The following NDEL1 variants were observed in gnomAD, a reference collection of about 807,000 sequenced individuals.
NDEL1 encodes nuclear distribution protein nudE-like 1.
A neutral mutation model predicts 45.7 loss-of-function variants in NDEL1; 9 were observed. The ratio of observed to expected loss-of-function variants is 0.20; its 90% CI spans 0.12 to 0.34. The LOEUF is 0.34. NDEL1 is among the 10% of genes least tolerant of loss of function. The probability of loss-of-function intolerance (pLI) is 1.00; values close to 1 mark genes in which losing one functional copy is unlikely to be tolerated. For missense variants in NDEL1, 306 were observed against 406.2 expected (o/e 0.75, Z 2.12); for synonymous variants, 133 against 158.6 (o/e 0.84, Z 1.21).
intron 6 of NDEL1, among the ~76,000 whole-genome samples, chr17:8,451,211 A>G (rs1319816278): frequency 6.6e-6 from 1 of 152,224 alleles, no homozygotes; most frequent in Non-Finnish European, 1.5e-5. Context: ...GATGATAGCA[A>G]TAGATTTTGT....
rs181796425 is a variant in NDEL1, at chr17:8,449,023, C to G, written c.526+337C>G. ...TTGGAGACGAAGTCTCGTACTTTCA[C>G]CCAGGCTGGAGTGCAATGGCACAAT... On this transcript the variant is annotated intron_variant, in intron 5 of 8. Transcript: ENST00000334527. Among the ~76,000 whole-genome samples, 11 of 152,362 alleles carry G rather than the reference C, an allele frequency of 7.2e-5. No individual in the cohort carries two copies. In the East Asian group the frequency reaches 2.1e-3, roughly 29 times the overall value.
At chr17:8,438,540 G>A (rs1414129850) in intron 1 of NDEL1, among the ~76,000 whole-genome samples, 2 of 151,946 alleles carry the variant, frequency 1.3e-5, no homozygotes, top group African/African-American at 4.8e-5. Context: ...TTTGGAGGCA[G>A]GGTCTCATTT....
intron 5 of NDEL1, among the ~76,000 whole-genome samples, chr17:8,449,610 A>G (rs1214121898): frequency 6.6e-6 from 1 of 152,234 alleles, no homozygotes; most frequent in East Asian, 1.9e-4. Context: ...GAGTTCAGCT[A>G]CTTTAGATAC....
chr17:8,417,684 GCTAA>G (rs143895331), intron 1 of NDEL1, among the ~76,000 whole-genome samples: 1,765 of 152,266 alleles, frequency 0.012, 41 homozygotes, highest in African/African-American at 0.041. Flanking sequence ...AAGCCAGGCT[GCTAA>G]CATTCTAGGG....
chr17:8,423,092 TA>T (rs1315171829), intron 1 of NDEL1, among the ~76,000 whole-genome samples: 1 of 152,230 alleles, frequency 6.6e-6, no homozygotes, highest in Non-Finnish European at 1.5e-5. Flanking sequence ...GGATGAAAAC[TA>T]GTGTGAAATT....
intron 1 of NDEL1, among the ~76,000 whole-genome samples, chr17:8,441,824 C>A (rs1909754766): frequency 6.6e-6 from 1 of 152,032 alleles, no homozygotes; most frequent in Non-Finnish European, 1.5e-5. Context: ...TTCCTGCATC[C>A]CATGCTGTCC....
At chr17:8,454,152 G>T (rs1001216050) in intron 6 of NDEL1, among the ~76,000 whole-genome samples, 1 of 152,048 alleles carries the variant, frequency 6.6e-6, no homozygotes, top group African/African-American at 2.4e-5. Flanking sequence ...AAAGCCAAAG[G>T]TTCTCCTACC....
At chr17:8,441,892 C>T (rs1909758461) in intron 1 of NDEL1, among the ~76,000 whole-genome samples, 1 of 151,968 alleles carries the variant, frequency 6.6e-6, no homozygotes, top group African/African-American at 2.4e-5. Context: ...AGGAGGTAGC[C>T]CTCCTGACCT....
chr17:8,471,694 G>T (rs1468151563), downstream of NDEL1, among the ~76,000 whole-genome samples: 2 of 152,220 alleles, frequency 1.3e-5, no homozygotes, highest in Non-Finnish European at 2.9e-5. Context: ...CCTTTGAAAA[G>T]CAGTAGCATG....
downstream of NDEL1, among the ~76,000 whole-genome samples, chr17:8,469,856 G>A (rs1373943653): frequency 4.0e-5 from 5 of 124,336 alleles, no homozygotes; most frequent in South Asian, 1.4e-3. Context: ...CGCCATGCCT[G>A]GCTAATTTTT....
At chr17:8,460,840 A>AT (rs1297535938) in intron 8 of NDEL1, among the ~76,000 whole-genome samples, 2 of 152,122 alleles carry the variant, frequency 1.3e-5, no homozygotes, top group Non-Finnish European at 2.9e-5. Flanking sequence ...CAGTTACGGG[A>AT]TTATACTTTA....
rs1215840607 is a variant in NDEL1 at position 8,467,991 on chromosome 17, A to G, written c.*968A>G. ...AAACATTATTGCCTGAGATATTTGTATATAACTTGGGCTTTGTAGCTTTTA... is the reference window on the plus strand; with the variant it reads ...AAACATTATTGCCTGAGATATTTGTGTATAACTTGGGCTTTGTAGCTTTTA... On this transcript the variant is annotated 3_prime_UTR_variant, in exon 9 of 9. Coordinates refer to ENST00000334527, the MANE Select transcript of NDEL1 (RefSeq NM_030808.5). The surrounding 1 kb of genome is among the most constrained non-coding windows in gnomAD (Gnocchi z 6.3). The G allele has an allele frequency of 1.3e-5, 2 of 152,600 alleles. No individual in the cohort carries two copies. The highest frequency in any genetic ancestry group is 4.8e-5 in the African/African-American group (2 of 41,420). 9.5% of individuals were successfully genotyped at this position (152,600 alleles called of 1,614,324 possible).
upstream of NDEL1, among the ~76,000 whole-genome samples, chr17:8,435,160 T>C (rs911360046): frequency 3.9e-5 from 6 of 152,122 alleles, no homozygotes; most frequent in African/African-American, 1.4e-4. Context: ...TTGGGGGACC[T>C]GGAGGGGAGA....
chr17:8,419,345 TATAA>T (rs1261339108), intron 1 of NDEL1, among the ~76,000 whole-genome samples: 1 of 152,232 alleles, frequency 6.6e-6, no homozygotes, highest in East Asian at 1.9e-4. Flanking sequence ...AACCACCACT[TATAA>T]ATATATCCAG....
Position 8,467,203 on chromosome 17 carries a change from A to T in NDEL1, c.*180A>T, listed in dbSNP as rs1248072863. ...CTGCCCAGCCCCGGAACTCTGCGCG[A>T]TATCAATACTGGCTATTTTCTCTTC... On this transcript the variant is annotated 3_prime_UTR_variant, in exon 9 of 9. Transcript: ENST00000334527. This position sits in a 1 kb window ranked among gnomAD's most constrained non-coding sequence, Gnocchi z 6.3. The T allele has an allele frequency of 1.6e-6, 1 of 618,920 alleles. No homozygotes were observed. Among genetic ancestry groups the T allele is most frequent in the Admixed American group, 3.0e-5 (1 of 33,468 alleles). 38.3% of individuals were successfully genotyped at this position (618,920 alleles called of 1,614,324 possible). A position where few individuals can be genotyped will look rare whatever the true frequency, so the allele number is the denominator to read the frequency against.
At chr17:8,423,929 G>A (rs898389275) in intron 1 of NDEL1, among the ~76,000 whole-genome samples, 2 of 152,114 alleles carry the variant, frequency 1.3e-5, no homozygotes, top group Non-Finnish European at 2.9e-5. Context: ...TAAATCCATA[G>A]GCTTAGGAAA....
At chr17:8,454,909 C>G in intron 7 of NDEL1, 22 bp downstream of exon 7, 1 of 1,557,816 alleles carries the variant, frequency 6.4e-7, no homozygotes. Context: ...TTATTTATCA[C>G]TAGGTGTTTC....
Position 8,446,763 on chromosome 17 carries a change from G to C in NDEL1, c.250G>C (p.Glu84Gln). Reference sequence around the variant, plus strand: ...ATACTGATGCCCTCAGGAGAAGCTAGAGCATCAATATGCACAGAGCTATAA... The same window carrying C: ...ATACTGATGCCCTCAGGAGAAGCTACAGCATCAATATGCACAGAGCTATAA... ...YEVEALKEKL[E>Q]HQYAQSYKQV... Residue 84 changes from glutamate (E) to glutamine (Q), a missense_variant, in exon 4 of 9, where the codon GAG becomes CAG. Glu to Gln is a conservative substitution (Grantham distance 29). Transcript: ENST00000334527. The C allele has an allele frequency of 1.2e-6, 2 of 1,614,002 alleles. No individual in the cohort carries two copies. Among genetic ancestry groups the C allele is most frequent in the Non-Finnish European group, 1.7e-6 (2 of 1,179,990 alleles).
intron 1 of NDEL1, among the ~76,000 whole-genome samples, chr17:8,429,988 T>A (rs1908960287): frequency 6.6e-6 from 1 of 151,782 alleles, no homozygotes. Flanking sequence ...TTTACTTGAG[T>A]TTAGGAAGGG....
Sources: gnomAD v4.1 joint callset for allele counts (sites outside exome capture counted in the v4.1 genomes callset) on GRCh38, gnomAD v4.1.1 for gene constraint, Gnocchi (gnomAD v3.1) non-coding constraint, MANE v1.5 for transcripts, NCBI Gene and HGNC (gene_info 2026-07-23, HGNC 2026-07-21) for gene names.